Variants in SLC5A7 observed in about 807,000 individuals in gnomAD.
The protein encoded by SLC5A7 is high affinity choline transporter 1.
Under a neutral mutation model 55.4 loss-of-function variants are expected in SLC5A7, and 19 were observed. The observed-to-expected ratio is 0.34, with a 90% CI of 0.24 to 0.50. SLC5A7 has a LOEUF of 0.50. Among genes scored for constraint, SLC5A7 ranks in the 20% least tolerant of loss-of-function variants. SLC5A7 has a pLI of 0.98. For synonymous variants in SLC5A7, 265 were observed against 263.7 expected (o/e 1.00, Z -0.05); for missense variants, 506 against 705.3 (o/e 0.72, Z 3.20).
chr2:108,010,826 C>G lies in SLC5A7; in HGVS notation c.1708C>G (p.Pro570Ala). 1 of 1,605,942 alleles carries G rather than the reference C, an allele frequency of 6.2e-7. No homozygotes were observed. Among genetic ancestry groups the G allele is most frequent in the South Asian group, 1.1e-5 (1 of 89,790 alleles). ...KEAFLDVDSS[P>A]EGSGTEDNLQ Reference sequence around the variant, plus strand: ...GGCCTTCCTTGATGTTGATTCCAGTCCAGAAGGGTCTGGGACTGAAGATAA... The same window carrying G: ...GGCCTTCCTTGATGTTGATTCCAGTGCAGAAGGGTCTGGGACTGAAGATAA... The change falls in exon 9 of 9, where the codon CCA (proline) becomes GCA (alanine). Residue 570 changes from proline (P) to alanine (A), a missense_variant. Around this residue, in one of 4 missense-constraint regions of SLC5A7, gnomAD observed 137 missense variants for 143.6 expected, o/e 0.95. Transcript: ENST00000264047.
intron 5 of SLC5A7, among the ~76,000 whole-genome samples, chr2:107,999,687 A>G (rs1677810075): frequency 6.6e-6 from 1 of 152,106 alleles, no homozygotes; most frequent in African/African-American, 2.4e-5. Flanking sequence ...TTCTTTTCTC[A>G]AATTCTCTAA....
chr2:108,001,395 C>T (rs529486000), intron 5 of SLC5A7, among the ~76,000 whole-genome samples: 58 of 152,100 alleles, frequency 3.8e-4, no homozygotes, highest in Admixed American at 2.7e-3. Context: ...TCAATGTGGC[C>T]GGGCGCGGTG....
At chr2:107,997,673 A>G (rs535560314) in intron 4 of SLC5A7, among the ~76,000 whole-genome samples, 165 bp from the exon 5 acceptor site, 1 of 152,326 alleles carries the variant, frequency 6.6e-6, no homozygotes, top group South Asian at 2.1e-4. Flanking sequence ...ATTTATTAAG[A>G]TATACAAATT....
At chr2:107,999,006 G>T (rs1286036892) in intron 5 of SLC5A7, among the ~76,000 whole-genome samples, 2 of 152,010 alleles carry the variant, frequency 1.3e-5, no homozygotes, top group Admixed American at 1.3e-4. Context: ...TATCCTAGAG[G>T]AAAAATTGTA....
intron 7 of SLC5A7, among the ~76,000 whole-genome samples, chr2:108,008,229 T>C (rs1435589995): frequency 6.6e-6 from 1 of 152,184 alleles, no homozygotes; most frequent in Admixed American, 6.5e-5. Context: ...AGGAAATATA[T>C]ATCTTACCAC....
In SLC5A7 at chr2:108,009,617, C is replaced by T. The variant is rs1573616867; in HGVS notation, c.1114-615C>T. On this transcript the variant is annotated intron_variant, in intron 8 of 8. Transcript: ENST00000264047. ...TGAGGATGATGGCTTCCACCTTCAT[C>T]CATGTCTCTGCAAAGGAATGATCTT... 2.6e-5 allele frequency among the ~76,000 whole-genome samples: 4 copies of T among 152,274 alleles called. No individual in the cohort carries two copies. In the East Asian group the frequency reaches 7.7e-4, roughly 29 times the overall value.
intron 6 of SLC5A7, among the ~76,000 whole-genome samples, chr2:108,002,322 C>G (rs1558867203): frequency 6.6e-6 from 1 of 152,162 alleles, no homozygotes; most frequent in East Asian, 1.9e-4. Context: ...TGCCCTACCC[C>G]CAGGACTTTC....
intron 6 of SLC5A7, among the ~76,000 whole-genome samples, chr2:108,002,387 C>G (rs1416995732): frequency 6.6e-6 from 1 of 152,156 alleles, no homozygotes; most frequent in Non-Finnish European, 1.5e-5. Flanking sequence ...TGAATTAAGG[C>G]ATGAAACCCA....
Position 108,010,233 on chromosome 2 carries a change from C to T in SLC5A7, c.1115C>T (p.Ala372Val). The T allele has an allele frequency of 1.2e-6, 2 of 1,611,472 alleles. No homozygotes were observed. The highest frequency in any genetic ancestry group is 1.7e-6 in the Non-Finnish European group (2 of 1,178,352). Residue 372 changes from alanine (A) to valine (V), a missense_variant and splice_region_variant, in exon 9 of 9, where the codon GCT becomes GTT. Ala to Val is a moderately conservative substitution (Grantham distance 64). Coordinates refer to ENST00000264047, the MANE Select transcript of SLC5A7 (RefSeq NM_021815.5). The part of the protein sequence containing the change: ...NIYQLSFRQN[A>V]SDKEIVWVMR... ...TGACACTGTGGCAATTTCTTACAGGCTTCGGACAAAGAAATCGTTTGGGTT... is the reference window on the plus strand; with the variant it reads ...TGACACTGTGGCAATTTCTTACAGGTTTCGGACAAAGAAATCGTTTGGGTT...
rs570549440 is a variant in SLC5A7 at position 108,012,935 on chromosome 2, C to T, written c.*2074C>T. The T allele has an allele frequency of 1.3e-5, 2 of 152,224 alleles. No homozygotes were observed. Among genetic ancestry groups the T allele is most frequent in the East Asian group, 3.9e-4 (2 of 5,166 alleles). 9.4% of individuals were successfully genotyped at this position (152,224 alleles called of 1,614,324 possible). On this transcript the variant is annotated 3_prime_UTR_variant, in exon 9 of 9. Transcript: ENST00000264047. ...GCTACCCAGCATGCTACCTGAATGG[C>T]GGTTTTTATCCATCCTGTCACCCTG... is the stretch of plus-strand genomic sequence containing the variant.
At chr2:107,997,750 G>A in intron 4 of SLC5A7, 88 bp from the exon 5 acceptor site, 1 of 1,296,386 alleles carries the variant, frequency 7.7e-7, no homozygotes, top group Non-Finnish European at 1.0e-6. Flanking sequence ...GAAAAATGTT[G>A]TTTATCACTG....
In SLC5A7 at chr2:108,010,568, A is replaced by G; in HGVS notation, c.1450A>G (p.Met484Val). Residue 484 changes from methionine (M) to valine (V), a missense_variant, in exon 9 of 9, where the codon ATG (methionine) becomes GTG (valine). Around this residue, in one of 4 missense-constraint regions of SLC5A7, gnomAD observed 137 missense variants for 143.6 expected, o/e 0.95. Coordinates refer to ENST00000264047, the MANE Select transcript of SLC5A7 (RefSeq NM_021815.5). ...NQKFPFKTLA[M>V]VTSFLTNICI... ...GAAATTTCCATTTAAAACACTTGCC[A>G]TGGTTACATCATTCTTAACCAACAT... The G allele has an allele frequency of 1.9e-6, 3 of 1,613,908 alleles. No homozygotes were observed. The highest frequency in any genetic ancestry group is 1.7e-5 in the Admixed American group (1 of 59,956).
In SLC5A7 at chr2:107,992,980, T is replaced by C; in HGVS notation, c.301T>C (p.Phe101Leu). 6.2e-7 allele frequency: 1 copy of C among 1,614,172 alleles called. No homozygotes were observed. Among genetic ancestry groups the C allele is most frequent in the Non-Finnish European group, 8.5e-7 (1 of 1,180,006 alleles). Reference protein sequence around the residue: ...YSLSLILGGLFFAKPMRSKGY... With the variant: ...YSLSLILGGLLFAKPMRSKGY... The stretch of plus-strand genomic sequence containing the variant: ...AGTTGCTTAATTTTTAGGTGGCCTG[T>C]TCTTTGCAAAACCTATGCGTTCAAA... Residue 101 changes from phenylalanine (F) to leucine (L), a missense_variant, in exon 4 of 9, where the codon TTC becomes CTC. Phe to Leu is a conservative substitution (Grantham distance 22). This residue lies in a region of SLC5A7 where 309 missense variants were observed against 478.6 expected (regional missense o/e 0.65). Coordinates refer to ENST00000264047, the MANE Select transcript of SLC5A7 (RefSeq NM_021815.5).
At chr2:107,998,480 G>A in intron 5 of SLC5A7, among the ~76,000 whole-genome samples, 1 of 152,214 alleles carries the variant, frequency 6.6e-6, no homozygotes, top group East Asian at 1.9e-4. Context: ...ATTATATAAG[G>A]CACCAGAAAG....
At chr2:107,986,961 A>AG (rs2104329800) in intron 1 of SLC5A7, among the ~76,000 whole-genome samples, 198 bp downstream of exon 1, 1 of 151,706 alleles carries the variant, frequency 6.6e-6, no homozygotes, top group African/African-American at 2.4e-5. Flanking sequence ...AAATGGGTAG[A>AG]GGGGGCCGAG....
chr2:108,005,298 T>C (rs1432308711), intron 6 of SLC5A7, among the ~76,000 whole-genome samples: 2 of 152,212 alleles, frequency 1.3e-5, no homozygotes, highest in African/African-American at 4.8e-5. Context: ...AGCCATTACA[T>C]TGCCTGGCAC....
At chr2:108,009,646 C>G (rs1678241021) in intron 8 of SLC5A7, among the ~76,000 whole-genome samples, 1 of 152,156 alleles carries the variant, frequency 6.6e-6, no homozygotes, top group African/African-American at 2.4e-5. Context: ...TGATCTTATT[C>G]CTTTTTATGG....
At position 107,998,550 on chromosome 2, in the gene SLC5A7, C is replaced by A. The variant is rs113513514; in HGVS notation, c.597+564C>A. 3.6e-3 allele frequency among the ~76,000 whole-genome samples: 542 copies of A among 152,196 alleles called. 1 individual carries two copies. The highest frequency in any genetic ancestry group is 0.011 in the African/African-American group (477 of 41,530). ...ACATGAGTATTATTAGTATTATTAG[C>A]ACTATATTAAAAGCACTTTTGTGTG... On this transcript the variant is annotated intron_variant, in intron 5 of 8. Coordinates refer to ENST00000264047, the MANE Select transcript of SLC5A7 (RefSeq NM_021815.5).
intron 6 of SLC5A7, 131 bp downstream of exon 6, chr2:108,002,171 T>A: frequency 9.2e-7 from 1 of 1,091,432 alleles, no homozygotes; most frequent in Non-Finnish European, 1.3e-6. Flanking sequence ...GAGGACTCTC[T>A]ATCGGGAGGG....
Sources: allele counts gnomAD v4.1 joint callset (sites outside exome capture counted in the v4.1 genomes callset), GRCh38; gene constraint gnomAD v4.1.1; regional missense constraint gnomAD v4.1.1; transcripts MANE v1.5; gene names NCBI Gene and HGNC (gene_info 2026-07-23, HGNC 2026-07-21).